PPP2R3B: variants seen among roughly 807,000 people sequenced by gnomAD.
The protein encoded by PPP2R3B is serine/threonine-protein phosphatase 2A regulatory subunit B'' subunit beta.
In PPP2R3B, 68 loss-of-function variants were observed where a neutral mutation model predicts 72.9. That is an observed-to-expected ratio of 0.93 (90% CI 0.77 to 1.14). The LOEUF (loss-of-function observed/expected upper bound fraction) is 1.14, where lower values mean the gene tolerates loss of function less well. Among genes scored for constraint, PPP2R3B ranks in the 50% most tolerant of loss-of-function variants. The probability of loss-of-function intolerance (pLI) is 0.00; values close to 1 mark genes in which losing one functional copy is unlikely to be tolerated. For missense variants in PPP2R3B, 1,018 were observed against 842.0 expected (o/e 1.21, Z -2.59); for synonymous variants, 466 against 375.8 (o/e 1.24, Z -2.78).
intron 1 of PPP2R3B, among the ~76,000 whole-genome samples, chrX:369,618 G>A (rs1027477617): frequency 2.0e-5 from 3 of 152,220 alleles, no homozygotes; most frequent in Non-Finnish European, 2.9e-5. Context: ...CACAGGCCAC[G>A]TGCACCGTGA....
At chrX:346,346 G>T in intron 5 of PPP2R3B, 86 bp from the exon 6 acceptor site, 1 of 1,368,200 alleles carries the variant, frequency 7.3e-7, no homozygotes, top group Non-Finnish European at 1.0e-6. Flanking sequence ...GGAGAGGGGC[G>T]CGCCCTTGGT....
rs754965903 is a variant in PPP2R3B, at chrX:386,407, G to T, written c.285C>A (p.Pro95=). ...LGAASSPRNA[P]HVRGTRRSAG... is the part of the protein sequence containing the mutation. ...CGGATCTACGGGTGCCTCGAACGTG[G>T]GGCGCGTTCCTGGGGCTGGAGGCGG... Residue 95 remains proline (P), a synonymous_variant, in exon 1 of 13, where the codon CCC becomes CCA. Transcript: ENST00000390665. 8 of 1,320,092 alleles carry T rather than the reference G, an allele frequency of 6.1e-6. No homozygotes were observed. The South Asian group carries it at 2.5e-4, about 41-fold the overall frequency. The allele number at this position is 1,320,092 out of a possible 1,614,324, so 81.8% of individuals were successfully genotyped here.
chrX:338,901 G>T lies in PPP2R3B; in HGVS notation c.1352-5C>A. Reference sequence around the variant, plus strand: ...GGTCCTGCAGCGTGATCTTCCCTGCGGGGAGGGGAGTGCGTCCAAGGCGCG... The same window carrying T: ...GGTCCTGCAGCGTGATCTTCCCTGCTGGGAGGGGAGTGCGTCCAAGGCGCG... On this transcript the variant is annotated splice_polypyrimidine_tract_variant and splice_region_variant and intron_variant, in intron 10 of 12. Transcript: ENST00000390665. The T allele has an allele frequency of 1.2e-6, 2 of 1,610,608 alleles. No individual in the cohort carries two copies. The highest frequency in any genetic ancestry group is 1.7e-6 in the Non-Finnish European group (2 of 1,178,188).
rs1196780425 is a variant in PPP2R3B, at chrX:338,868, G to A, written c.1380C>T (p.Arg460=). 2 of 1,612,328 alleles carry A rather than the reference G, an allele frequency of 1.2e-6. No individual in the cohort carries two copies. Among genetic ancestry groups the A allele is most frequent in the African/African-American group, 1.3e-5 (1 of 74,940 alleles). The change falls in exon 11 of 13, where the codon CGC becomes CGT. Residue 460 remains arginine (R), a synonymous_variant. Coordinates refer to ENST00000390665, the MANE Select transcript of PPP2R3B (RefSeq NM_013239.5). ...CGAAGAAGACGTTAGCCAGCTTGCA[G>A]CGCTTCAGGTCCTGCAGCGTGATCT... ...EGKITLQDLK[R]CKLANVFFDT... is the part of the protein sequence containing the mutation.
At chrX:384,533 G>C (rs1251161616) in intron 1 of PPP2R3B, among the ~76,000 whole-genome samples, 4 of 151,982 alleles carry the variant, frequency 2.6e-5, no homozygotes, top group African/African-American at 9.7e-5. Flanking sequence ...GAACTCAAGT[G>C]ATCTGCCTGC....
chrX:361,635 G>A (rs374696027), intron 1 of PPP2R3B, 45 bp from the exon 2 acceptor site: 104 of 1,601,750 alleles, frequency 6.5e-5, no homozygotes, highest in African/African-American at 3.7e-4. Flanking sequence ...TGGGAGCATC[G>A]AACGCCTTCT....
Position 361,593 on chromosome X carries a change from G to C in PPP2R3B, c.325-3C>G. On this transcript the variant is annotated splice_polypyrimidine_tract_variant and splice_region_variant and intron_variant, in intron 1 of 12. Coordinates refer to ENST00000390665, the MANE Select transcript of PPP2R3B (RefSeq NM_013239.5). ...GGCTCTTCTTTCCGTGTCTGAACCT[G>C]AAGAGTCGACAGACAGCGCTCAGTT... The C allele has an allele frequency of 6.2e-7, 1 of 1,613,640 alleles. No individual in the cohort carries two copies. The highest frequency in any genetic ancestry group is 1.3e-5 in the African/African-American group (1 of 75,030).
chrX:355,575 C>T (rs758269293), intron 2 of PPP2R3B, among the ~76,000 whole-genome samples: 7 of 152,308 alleles, frequency 4.6e-5, no homozygotes, highest in East Asian at 3.9e-4. Context: ...TGGAACTGCA[C>T]GCGCACACGG....
chrX:370,424 G>T (rs992269444), intron 1 of PPP2R3B, among the ~76,000 whole-genome samples: 3 of 152,150 alleles, frequency 2.0e-5, no homozygotes, highest in African/African-American at 7.2e-5. Context: ...GCAGCGAGGC[G>T]TGAGTCTCCA....
chrX:370,970 A>G (rs2071848305), intron 1 of PPP2R3B, among the ~76,000 whole-genome samples: 1 of 152,148 alleles, frequency 6.6e-6, no homozygotes. Context: ...CTGTGTGACC[A>G]GGACAGGTGA....
chrX:356,846 T>TG (rs1569397784), intron 2 of PPP2R3B, among the ~76,000 whole-genome samples: 23 of 98,096 alleles, frequency 2.3e-4, no homozygotes, highest in Admixed American at 8.0e-4. Flanking sequence ...TAACCACGCC[T>TG]TGGCCAGCCA....
At position 333,961 on chromosome X, in the gene PPP2R3B, G is replaced by C. The variant is rs925064516; in HGVS notation, c.*406C>G. 1 of 170,706 alleles carries C rather than the reference G, an allele frequency of 5.9e-6. No homozygotes were observed. Among genetic ancestry groups the C allele is most frequent in the African/African-American group, 2.4e-5 (1 of 42,210 alleles). The allele number at this position is 170,706 out of a possible 1,614,324, so 10.6% of individuals were successfully genotyped here. ...TCCAAACGTACAAGCGTGATCGCCAGAAACGGTTTTGTACGTTTACACAAA... is the reference window on the plus strand; with the variant it reads ...TCCAAACGTACAAGCGTGATCGCCACAAACGGTTTTGTACGTTTACACAAA... On this transcript the variant is annotated 3_prime_UTR_variant, in exon 13 of 13. Coordinates refer to ENST00000390665, the MANE Select transcript of PPP2R3B (RefSeq NM_013239.5).
In PPP2R3B at chrX:345,553, G is replaced by A. The variant is rs775531898; in HGVS notation, c.999C>T (p.Leu333=). 5.0e-6 allele frequency: 8 copies of A among 1,613,204 alleles called. No individual in the cohort carries two copies. Among genetic ancestry groups the A allele is most frequent in the East Asian group, 2.2e-5 (1 of 44,846 alleles). Reference sequence around the variant, plus strand: ...GCCGCGCCAGGTCGTCCGCGTCGATGAGCAGGTCGTGGTCCGTGTCCAGCT... The same window carrying A: ...GCCGCGCCAGGTCGTCCGCGTCGATAAGCAGGTCGTGGTCCGTGTCCAGCT... The part of the protein sequence containing the change: ...FWELDTDHDL[L]IDADDLARHN... Residue 333 remains leucine, a synonymous_variant, in exon 7 of 13, where the codon CTC becomes CTT. Transcript: ENST00000390665.
intron 1 of PPP2R3B, among the ~76,000 whole-genome samples, chrX:363,356 C>G (rs2071588920): frequency 6.8e-6 from 1 of 146,326 alleles, no homozygotes; most frequent in Admixed American, 6.8e-5. Context: ...TCCCGCAGTG[C>G]ATCTCTCCGA....
At chrX:382,779 G>C (rs1265477822) in intron 1 of PPP2R3B, among the ~76,000 whole-genome samples, 1 of 151,940 alleles carries the variant, frequency 6.6e-6, no homozygotes, top group Non-Finnish European at 1.5e-5. Context: ...AGTCACAATA[G>C]TCCCAGCCCT....
intron 12 of PPP2R3B, chrX:335,068 G>T (rs940600941): frequency 2.0e-5 from 3 of 152,454 alleles, no homozygotes; most frequent in African/African-American, 7.2e-5. Flanking sequence ...GAGATCCTGT[G>T]GGGACACCTC....
intron 1 of PPP2R3B, among the ~76,000 whole-genome samples, chrX:364,402 G>A (rs6645211): frequency 0.15 from 22,204 of 151,098 alleles, 4,209 homozygotes; most frequent in African/African-American, 0.44. Flanking sequence ...GGCCGGGCTC[G>A]TGCCTGCAAT....
At chrX:364,542 C>CA (rs2071650564) in intron 1 of PPP2R3B, among the ~76,000 whole-genome samples, 2 of 134,100 alleles carry the variant, frequency 1.5e-5, no homozygotes, top group Non-Finnish European at 3.3e-5. Flanking sequence ...AAACAGAAAA[C>CA]AAAAAACAAA....
chrX:341,053 C>G, intron 9 of PPP2R3B, 113 bp from the exon 10 acceptor site: 2 of 1,434,028 alleles, frequency 1.4e-6, no homozygotes, highest in Non-Finnish European at 1.9e-6. Flanking sequence ...TGCCTTGCAG[C>G]CCCCACCGGG....
Sources: gnomAD v4.1 joint callset for allele counts (sites outside exome capture counted in the v4.1 genomes callset) on GRCh38, gnomAD v4.1.1 for gene constraint, MANE v1.5 for transcripts, NCBI Gene and HGNC (gene_info 2026-07-23, HGNC 2026-07-21) for gene names.